C1QTNF3: variants seen among roughly 807,000 people sequenced by gnomAD.
C1QTNF3 encodes complement C1q tumor necrosis factor-related protein 3.
Under a neutral mutation model 32.6 loss-of-function variants are expected in C1QTNF3, and 26 were observed. The observed-to-expected ratio is 0.80, with a 90% CI of 0.58 to 1.11. C1QTNF3 has a LOEUF of 1.11. C1QTNF3 is among the 50% of genes least tolerant of loss of function. The probability of loss-of-function intolerance (pLI) is 0.00; values close to 1 mark genes in which losing one functional copy is unlikely to be tolerated. For missense variants in C1QTNF3, 362 were observed against 398.2 expected (o/e 0.91, Z 0.77); for synonymous variants, 155 against 146.0 (o/e 1.06, Z -0.44).
At chr5:34,243,033 A>C in the C1QTNF3 span, among the ~76,000 whole-genome samples, 9 of 150,390 alleles carry the variant, frequency 6.0e-5, no homozygotes, top group Admixed American at 6.0e-4. Context: ...TGCTAGGCTT[A>C]ATACCTAGGT....
chr5:34,098,586 G>A, the C1QTNF3 span, among the ~76,000 whole-genome samples: 3 of 150,632 alleles, frequency 2.0e-5, no homozygotes, highest in African/African-American at 7.3e-5. Context: ...TAGGTACAAA[G>A]CCAGAGTCTT....
chr5:34,089,364 G>T, the C1QTNF3 span, among the ~76,000 whole-genome samples: 81 of 152,118 alleles, frequency 5.3e-4, no homozygotes, highest in African/African-American at 1.9e-3. Flanking sequence ...TCAGGTATGG[G>T]GTCATATAGT....
chr5:34,126,248 T>C, the C1QTNF3 span, among the ~76,000 whole-genome samples: 4 of 151,840 alleles, frequency 2.6e-5, no homozygotes, highest in East Asian at 1.9e-4. Context: ...GCTGGAGTAA[T>C]AGGAAGTACA....
chr5:34,237,099 T>C, the C1QTNF3 span, among the ~76,000 whole-genome samples: 1 of 152,186 alleles, frequency 6.6e-6, no homozygotes, highest in African/African-American at 2.4e-5. Context: ...TGAAGGTTAT[T>C]AGAGTCACAC....
the C1QTNF3 span, among the ~76,000 whole-genome samples, chr5:34,214,416 T>C: frequency 6.6e-6 from 1 of 151,572 alleles, no homozygotes; most frequent in African/African-American, 2.4e-5. Flanking sequence ...ACTGAAATTA[T>C]ATCACAGAAA....
At chr5:34,084,239 A>G in the C1QTNF3 span, among the ~76,000 whole-genome samples, 1 of 151,766 alleles carries the variant, frequency 6.6e-6, no homozygotes, top group South Asian at 2.1e-4. Flanking sequence ...GAAGGTGGCT[A>G]TTTTAGTGGG....
chr5:34,236,563 CTTTTTTCTTTTTTTT>C, the C1QTNF3 span, among the ~76,000 whole-genome samples: 3 of 45,308 alleles, frequency 6.6e-5, no homozygotes, highest in African/African-American at 1.3e-4. Context: ...TTTCTTTTTT[CTTTTTTCTTTTTTTT>C]TTTTTTTTTT....
chr5:34,235,540 CTTTT>C, the C1QTNF3 span, among the ~76,000 whole-genome samples: 1 of 120,000 alleles, frequency 8.3e-6, no homozygotes, highest in African/African-American at 3.2e-5. Flanking sequence ...CAGGATATTT[CTTTT>C]TCTTTTTTTT....
chr5:34,240,024 T>C, the C1QTNF3 span, among the ~76,000 whole-genome samples: 3 of 152,062 alleles, frequency 2.0e-5, no homozygotes, highest in Admixed American at 6.6e-5. Context: ...CAAACAACTT[T>C]CTCCTGAATA....
chr5:34,129,487 T>C, the C1QTNF3 span, among the ~76,000 whole-genome samples: 1 of 152,232 alleles, frequency 6.6e-6, no homozygotes, highest in South Asian at 2.1e-4. Flanking sequence ...ACAGGAGAAA[T>C]AAATGGTAAT....
rs959395385 is a variant in C1QTNF3, at chr5:34,019,551, A to T, written c.*1032T>A. 1 of 152,252 alleles carries T rather than the reference A, an allele frequency of 6.6e-6. No homozygotes were observed. Among genetic ancestry groups the T allele is most frequent in the Non-Finnish European group, 1.5e-5 (1 of 68,046 alleles). 9.4% of individuals were successfully genotyped at this position (152,252 alleles called of 1,614,324 possible). The stretch of plus-strand genomic sequence containing the variant: ...AATAACTGAAAAGCGAAGTTTTCTG[A>T]AGTCATATGACCCTGCTGTGTGCCC... On this transcript the variant is annotated 3_prime_UTR_variant, in exon 6 of 6. Coordinates refer to ENST00000382065, the MANE Select transcript of C1QTNF3 (RefSeq NM_181435.6).
At chr5:34,124,182 G>A in the C1QTNF3 span, 249,404 of 396,414 alleles carry the variant, frequency 0.63, 79,582 homozygotes, top group Middle Eastern at 0.66. Context: ...ATGATTAGCC[G>A]TCCTTTTATT....
intron 3 of C1QTNF3, among the ~76,000 whole-genome samples, chr5:34,030,623 T>C (rs893469696): frequency 1.3e-5 from 2 of 152,156 alleles, no homozygotes; most frequent in African/African-American, 4.8e-5. Context: ...CTTGAGACAA[T>C]TCCGCCTGTC....
the C1QTNF3 span, among the ~76,000 whole-genome samples, chr5:34,084,360 A>C: frequency 6.6e-6 from 1 of 151,794 alleles, no homozygotes; most frequent in Non-Finnish European, 1.5e-5. Flanking sequence ...ATTCGCTGAG[A>C]GTAAAGTTTA....
chr5:34,060,819 T>C, the C1QTNF3 span, among the ~76,000 whole-genome samples: 3 of 152,152 alleles, frequency 2.0e-5, no homozygotes, highest in South Asian at 2.1e-4. Flanking sequence ...AAGATGAGAT[T>C]TGGGTGGGAA....
chr5:34,096,821 T>C, the C1QTNF3 span, among the ~76,000 whole-genome samples: 57 of 151,934 alleles, frequency 3.8e-4, no homozygotes, highest in African/African-American at 1.3e-3. Context: ...GTGAAGTTTA[T>C]GAACAAATAC....
chr5:34,118,823 T>C, the C1QTNF3 span, among the ~76,000 whole-genome samples: 1 of 152,148 alleles, frequency 6.6e-6, no homozygotes, highest in Non-Finnish European at 1.5e-5. Context: ...CTGCTTTTCA[T>C]CACATTGAAA....
chr5:34,154,041 A>AG, the C1QTNF3 span, among the ~76,000 whole-genome samples: 1 of 41,424 alleles, frequency 2.4e-5, no homozygotes, highest in Admixed American at 3.3e-4. Context: ...ATAAAAAAAA[A>AG]AAATGTCATT....
chr5:34,110,191 GA>G, the C1QTNF3 span, among the ~76,000 whole-genome samples: 1 of 152,104 alleles, frequency 6.6e-6, no homozygotes, highest in African/African-American at 2.4e-5. Context: ...ACAAAAGAGG[GA>G]AAAGATAGAG....
Sources: allele counts gnomAD v4.1 joint callset (sites outside exome capture counted in the v4.1 genomes callset), GRCh38; gene constraint gnomAD v4.1.1; transcripts MANE v1.5; gene names NCBI Gene and HGNC (gene_info 2026-07-23, HGNC 2026-07-21).